Variants in PHLPP2 observed in about 807,000 individuals in gnomAD.
PHLPP2 encodes the protein PH domain leucine-rich repeat-containing protein phosphatase 2.
A neutral mutation model predicts 124.9 loss-of-function variants in PHLPP2; 66 were observed. The observed-to-expected ratio is 0.53, with a 90% CI of 0.43 to 0.65. The LOEUF is 0.65. Ranked by LOEUF, PHLPP2 falls within the 30% of genes least tolerant of loss-of-function variation. PHLPP2 has a pLI of 0.00. For missense variants in PHLPP2, 1,685 were observed against 1,600.4 expected (o/e 1.05, Z -0.90); for synonymous variants, 681 against 624.7 (o/e 1.09, Z -1.34).
intron 3 of PHLPP2, among the ~76,000 whole-genome samples, chr16:71,691,350 G>A (rs2045110715): frequency 6.6e-6 from 1 of 151,886 alleles, no homozygotes; most frequent in African/African-American, 2.4e-5. Context: ...AGTCCCAGCT[G>A]CTCAGGAAGC....
At chr16:71,662,352 C>G (rs2044799541) in intron 13 of PHLPP2, among the ~76,000 whole-genome samples, 1 of 151,396 alleles carries the variant, frequency 6.6e-6, no homozygotes, top group African/African-American at 2.4e-5. Context: ...ATCACTTGAA[C>G]CTGGGAGGCA....
chr16:71,674,426 G>C (rs1182858022), intron 9 of PHLPP2, among the ~76,000 whole-genome samples: 2 of 148,678 alleles, frequency 1.3e-5, no homozygotes, highest in African/African-American at 2.5e-5. Context: ...CACATACCAA[G>C]AGTAAACATC....
chr16:71,697,936 C>T (rs2045190576), intron 3 of PHLPP2, among the ~76,000 whole-genome samples: 1 of 151,348 alleles, frequency 6.6e-6, no homozygotes, highest in Admixed American at 6.6e-5. Context: ...CAAGCTCTGC[C>T]TCCCGGGTTC....
At chr16:71,723,698 C>T (rs1349333007) in intron 1 of PHLPP2, 14 of 708,856 alleles carry the variant, frequency 2.0e-5, no homozygotes, top group East Asian at 8.4e-5. Context: ...CCTCTAGCCT[C>T]CCTCGTTCCC....
intron 2 of PHLPP2, among the ~76,000 whole-genome samples, chr16:71,705,139 G>A (rs1204010899): frequency 6.6e-6 from 1 of 152,192 alleles, no homozygotes. Flanking sequence ...AGAGCCATCT[G>A]TCACAGACAT....
chr16:71,709,889 A>G (rs1159076924), intron 2 of PHLPP2, among the ~76,000 whole-genome samples: 2 of 152,104 alleles, frequency 1.3e-5, no homozygotes, highest in East Asian at 3.9e-4. Context: ...GCTGGAATGC[A>G]GTGGTGCAAT....
intron 9 of PHLPP2, among the ~76,000 whole-genome samples, chr16:71,675,949 G>A (rs1486975285): frequency 6.6e-6 from 1 of 152,012 alleles, no homozygotes; most frequent in Non-Finnish European, 1.5e-5. Context: ...TCGAACTCCT[G>A]AGCTCAGGTG....
At chr16:71,702,850 A>C in intron 2 of PHLPP2, 119 bp from the exon 3 acceptor site, 1 of 606,190 alleles carries the variant, frequency 1.6e-6, no homozygotes, top group Non-Finnish European at 2.8e-6. Context: ...CTGTCACATG[A>C]ATATACTGCT....
At position 71,648,866 on chromosome 16, in the gene PHLPP2, C is replaced by T; in HGVS notation, c.*24G>A. 1.3e-6 allele frequency: 2 copies of T among 1,575,758 alleles called. No homozygotes were observed. The highest frequency in any genetic ancestry group is 1.7e-6 in the Non-Finnish European group (2 of 1,148,294). On this transcript the variant is annotated 3_prime_UTR_variant, in exon 19 of 19. Transcript: ENST00000568954. ...CTACCCCAACCCTGCACAGCCTCCTCCCACACTGTGCCCAGTGGGGCAGTC... is the reference window on the plus strand; with the variant it reads ...CTACCCCAACCCTGCACAGCCTCCTTCCACACTGTGCCCAGTGGGGCAGTC...
intron 11 of PHLPP2, among the ~76,000 whole-genome samples, chr16:71,668,246 A>C (rs1004480231): frequency 5.9e-5 from 9 of 151,404 alleles, no homozygotes; most frequent in Non-Finnish European, 1.3e-4. Flanking sequence ...CCCGTTCTCT[A>C]CTAAAAATAC....
chr16:71,672,918 T>C (rs1047656224), intron 9 of PHLPP2, among the ~76,000 whole-genome samples: 1 of 152,266 alleles, frequency 6.6e-6, no homozygotes, highest in Non-Finnish European at 1.5e-5. Flanking sequence ...GCAGTATGTA[T>C]AATTATTTCT....
At chr16:71,704,951 C>T (rs1344828253) in intron 2 of PHLPP2, among the ~76,000 whole-genome samples, 1 of 152,114 alleles carries the variant, frequency 6.6e-6, no homozygotes, top group Non-Finnish European at 1.5e-5. Flanking sequence ...TATAAAGAGA[C>T]AGATCTTCAA....
intron 3 of PHLPP2, 35 bp downstream of exon 3, chr16:71,702,563 G>C (rs1399855794): frequency 1.3e-6 from 2 of 1,570,854 alleles, no homozygotes; most frequent in Admixed American, 1.7e-5. Flanking sequence ...CAACCTAAAA[G>C]TAGTTAACAT....
Position 71,678,913 on chromosome 16 carries a change from A to G in PHLPP2, c.1110T>C (p.Leu370=). Residue 370 remains leucine, a synonymous_variant, in exon 8 of 19, where the codon CTT becomes CTC. Transcript: ENST00000568954. The part of the protein sequence containing the change: ...LPEELGNLQQ[L]SSLGISFNNF... ...TGTTGAAGGAAATTCCCAAGGAGGAAAGCTGTTGTAGATTTCCCAATTCTT... is the reference window on the plus strand; with the variant it reads ...TGTTGAAGGAAATTCCCAAGGAGGAGAGCTGTTGTAGATTTCCCAATTCTT... The G allele has an allele frequency of 2.5e-6, 4 of 1,613,374 alleles. No homozygotes were observed. The highest frequency in any genetic ancestry group is 3.4e-6 in the Non-Finnish European group (4 of 1,179,334).
intron 1 of PHLPP2, among the ~76,000 whole-genome samples, chr16:71,720,498 T>C (rs1488453081): frequency 6.6e-6 from 1 of 152,158 alleles, no homozygotes; most frequent in Non-Finnish European, 1.5e-5. Flanking sequence ...CACACTCACA[T>C]ACAATAATAA....
intron 3 of PHLPP2, among the ~76,000 whole-genome samples, chr16:71,692,575 A>G (rs536073996): frequency 1.3e-5 from 2 of 152,268 alleles, no homozygotes; most frequent in East Asian, 1.9e-4. Context: ...TAAGCATTTC[A>G]CCTTCTATTC....
chr16:71,722,055 G>A (rs1333754489), intron 1 of PHLPP2, among the ~76,000 whole-genome samples: 2 of 152,154 alleles, frequency 1.3e-5, no homozygotes, highest in African/African-American at 4.8e-5. Context: ...AGTGGGAGAT[G>A]ACTCTTCCCA....
At chr16:71,665,027 C>T (rs932639173) in intron 12 of PHLPP2, among the ~76,000 whole-genome samples, 11 of 151,378 alleles carry the variant, frequency 7.3e-5, no homozygotes, top group South Asian at 2.1e-4. Flanking sequence ...ATTATACTTC[C>T]GGCTGGGCGA....
At chr16:71,701,607 G>A (rs937567871) in intron 3 of PHLPP2, among the ~76,000 whole-genome samples, 2 of 152,074 alleles carry the variant, frequency 1.3e-5, no homozygotes. Context: ...GGAAAAGTAG[G>A]GGCATCAGAG....
Sources: gnomAD v4.1 joint callset for allele counts (sites outside exome capture counted in the v4.1 genomes callset) on GRCh38, gnomAD v4.1.1 for gene constraint, MANE v1.5 for transcripts, NCBI Gene and HGNC (gene_info 2026-07-23, HGNC 2026-07-21) for gene names.